The following CAST variants were observed in gnomAD, a reference collection of about 807,000 sequenced individuals.
CAST encodes calpastatin, also known as MIR583 host.
CAST carries 76 observed loss-of-function variants against 119.6 expected under a neutral mutation model. That is an observed-to-expected ratio of 0.64 (90% confidence interval 0.53 to 0.77). The LOEUF is 0.77. Among genes scored for constraint, CAST ranks in the 30% least tolerant of loss-of-function variants. The pLI is 0.00. For synonymous variants in CAST, 319 were observed against 331.6 expected, an observed-to-expected ratio of 0.96 and a Z score of 0.41; for missense variants, 953 against 946.5, an observed-to-expected ratio of 1.01 and a Z score of -0.09.
chr5:96,641,582 C>G (rs534363143), intron 1 of CAST, among the ~76,000 whole-genome samples: 1 of 152,178 alleles, frequency 6.6e-6, no homozygotes. Context: ...TAGACCCTTA[C>G]GACCTCACAG....
chr5:96,585,809 C>G (rs1324824614), intron 1 of CAST, among the ~76,000 whole-genome samples: 1 of 152,126 alleles, frequency 6.6e-6, no homozygotes, highest in Non-Finnish European at 1.5e-5. Flanking sequence ...AATAGCCAAG[C>G]AATGGTTTTT....
chr5:96,744,296 A>G (rs1404154739), intron 16 of CAST, among the ~76,000 whole-genome samples: 2 of 152,220 alleles, frequency 1.3e-5, no homozygotes, highest in Non-Finnish European at 1.5e-5. Context: ...AAAGAAGTTT[A>G]ATTGACTCAC....
intron 1 of CAST, among the ~76,000 whole-genome samples, chr5:96,621,542 G>A (rs1300835766): frequency 6.6e-6 from 1 of 152,148 alleles, no homozygotes; most frequent in African/African-American, 2.4e-5. Flanking sequence ...GTGTGAAGGA[G>A]AAACTGTCAG....
At chr5:96,523,569 C>G (rs1396738004), upstream of CAST, among the ~76,000 whole-genome samples, 1 of 152,188 alleles carries the variant, frequency 6.6e-6, no homozygotes, top group African/African-American at 2.4e-5. Flanking sequence ...GAAATATCAG[C>G]TGGGATCGCT....
chr5:96,092,210 A>C, the CAST span, among the ~76,000 whole-genome samples: 1 of 152,114 alleles, frequency 6.6e-6, no homozygotes, highest in African/African-American at 2.4e-5. Flanking sequence ...TGCTTTATAA[A>C]TTATCTTTCA....
chr5:96,382,753 T>C, the CAST span, among the ~76,000 whole-genome samples: 4 of 152,232 alleles, frequency 2.6e-5, no homozygotes, highest in East Asian at 7.7e-4. Context: ...ATTATTCCCA[T>C]TTTACAGATG....
At chr5:96,322,368 C>T in the CAST span, among the ~76,000 whole-genome samples, 1 of 152,094 alleles carries the variant, frequency 6.6e-6, no homozygotes, top group Non-Finnish European at 1.5e-5. Flanking sequence ...TGTAGGGACA[C>T]CAACAATGAA....
the CAST span, among the ~76,000 whole-genome samples, chr5:95,991,497 G>GTTTT: frequency 0.012 from 798 of 64,726 alleles, no homozygotes; most frequent in African/African-American, 0.015. Flanking sequence ...AACAAGTTTT[G>GTTTT]TTTTTTTTTT....
the CAST span, among the ~76,000 whole-genome samples, chr5:96,371,423 C>T: frequency 1.3e-5 from 2 of 152,176 alleles, no homozygotes; most frequent in South Asian, 2.1e-4. Context: ...GGGGCAGAGG[C>T]TTAGCATATT....
the CAST span, among the ~76,000 whole-genome samples, chr5:96,254,334 A>G: frequency 6.6e-6 from 1 of 152,136 alleles, no homozygotes; most frequent in Non-Finnish European, 1.5e-5. Flanking sequence ...TACTTATTTC[A>G]GAAACAAAAT....
the CAST span, among the ~76,000 whole-genome samples, chr5:96,073,380 T>C: frequency 6.6e-6 from 1 of 152,230 alleles, no homozygotes; most frequent in South Asian, 2.1e-4. Context: ...ACTTTTTCTA[T>C]TTGAAAATGC....
rs539472973 is a variant in CAST, at chr5:96,556,938, A to G, written c.60+27058A>G. On this transcript the variant is annotated intron_variant, in intron 1 of 11. Coordinates refer to the CAST transcript ENST00000505143. ...TCACCAAAGTTGAAATGAAGGAAAA[A>G]ATGTTAAGGGCAGCCAGAGAGAAAG... Among the ~76,000 whole-genome samples the G allele has an allele frequency of 4.6e-5, 7 of 152,256 alleles. No homozygotes were observed. The East Asian group carries it at 9.6e-4, about 21-fold the overall frequency.
At chr5:96,767,245 C>T (rs1442986659) in intron 27 of CAST, among the ~76,000 whole-genome samples, 193 bp from the exon 28 acceptor site, 1 of 152,140 alleles carries the variant, frequency 6.6e-6, no homozygotes, top group Non-Finnish European at 1.5e-5. Context: ...CAAGTCTACA[C>T]AAATGATTAT....
At chr5:96,024,923 C>T in the CAST span, among the ~76,000 whole-genome samples, 1 of 152,120 alleles carries the variant, frequency 6.6e-6, no homozygotes. Flanking sequence ...GTCAGGCCTT[C>T]TGGCATGTTT....
At chr5:96,308,941 C>A in the CAST span, 1 of 152,468 alleles carries the variant, frequency 6.6e-6, no homozygotes, top group Non-Finnish European at 1.5e-5. Flanking sequence ...GGGTCAGGGA[C>A]CCACTTGAGG....
chr5:96,061,673 G>A, the CAST span, among the ~76,000 whole-genome samples: 1 of 152,006 alleles, frequency 6.6e-6, no homozygotes, highest in Non-Finnish European at 1.5e-5. Context: ...GTGTGCGTGT[G>A]TGTGTGTAAA....
chr5:96,152,531 G>A, the CAST span, among the ~76,000 whole-genome samples: 1 of 152,156 alleles, frequency 6.6e-6, no homozygotes, highest in Non-Finnish European at 1.5e-5. Flanking sequence ...AACTCTGTCC[G>A]GCTGGGAGAC....
At chr5:96,113,676 A>C in the CAST span, among the ~76,000 whole-genome samples, 1 of 152,244 alleles carries the variant, frequency 6.6e-6, no homozygotes, top group Non-Finnish European at 1.5e-5. Context: ...AAGCCTTGGC[A>C]GCTGGTTGTA....
At chr5:96,254,555 T>G in the CAST span, among the ~76,000 whole-genome samples, 71 of 152,184 alleles carry the variant, frequency 4.7e-4, 1 homozygote, top group Non-Finnish European at 1.3e-4. Flanking sequence ...TAATTCCTAC[T>G]TCCATGTCTA....
Sources: allele counts gnomAD v4.1 joint callset (sites outside exome capture counted in the v4.1 genomes callset), GRCh38; gene constraint gnomAD v4.1.1; transcripts MANE v1.5; gene names NCBI Gene and HGNC (gene_info 2026-07-23, HGNC 2026-07-21).